Variants in SLC26A5 observed in about 807,000 individuals in gnomAD.
SLC26A5 encodes prestin.
A neutral mutation model predicts 81.0 loss-of-function variants in SLC26A5; 51 were observed. The observed-to-expected ratio is 0.63, with a 90% CI of 0.50 to 0.80. The LOEUF (loss-of-function observed/expected upper bound fraction) is 0.80, where lower values mean the gene tolerates loss of function less well. SLC26A5 is among the 30% of genes least tolerant of loss of function. The pLI is 0.00. For synonymous variants in SLC26A5, 325 were observed against 332.8 expected (o/e 0.98, Z 0.25); for missense variants, 771 against 905.8 (o/e 0.85, Z 1.91).
intron 16 of SLC26A5, among the ~76,000 whole-genome samples, chr7:103,378,815 C>A (rs1821554929): frequency 6.6e-6 from 1 of 152,118 alleles, no homozygotes; most frequent in Non-Finnish European, 1.5e-5. Context: ...AAGTTCAGAT[C>A]TGTCAGGTTG....
At chr7:103,369,486 C>G (rs577107327), downstream of SLC26A5, 117 of 152,332 alleles carry the variant, frequency 7.7e-4, 1 homozygote, top group African/African-American at 2.8e-3. Flanking sequence ...ACACTCTGTT[C>G]TAACGATACA....
At position 103,427,552 on chromosome 7, in the gene SLC26A5, T is replaced by C. The variant is rs181584612; in HGVS notation, c.-53-5985A>G. On this transcript the variant is annotated intron_variant, in intron 2 of 19. Transcript: ENST00000306312. ...AACGGCATCTCTGATACTTATAAAA[T>C]ATTGCCATGATAAATATTTATAAAT... Among the ~76,000 whole-genome samples, 172 of 152,280 alleles carry C rather than the reference T, an allele frequency of 1.1e-3. 1 individual carries two copies. Among genetic ancestry groups the C allele is most frequent in the Non-Finnish European group, 3.4e-4 (23 of 68,026 alleles).
intron 18 of SLC26A5, 141 bp downstream of exon 18, chr7:103,377,458 C>T (rs1446087460): frequency 1.3e-6 from 1 of 756,736 alleles, no homozygotes; most frequent in Non-Finnish European, 2.3e-6. Flanking sequence ...ATCTTTACTT[C>T]TATATATTTT....
At chr7:103,437,655 A>C (rs1826550887) in intron 2 of SLC26A5, among the ~76,000 whole-genome samples, 1 of 152,252 alleles carries the variant, frequency 6.6e-6, no homozygotes, top group Non-Finnish European at 1.5e-5. Flanking sequence ...TCTGGAGGAT[A>C]TGATGCTATG....
At chr7:103,376,522 ATATAT>A (rs545592151) in intron 19 of SLC26A5, among the ~76,000 whole-genome samples, 65 of 152,318 alleles carry the variant, frequency 4.3e-4, no homozygotes, top group African/African-American at 1.5e-3. Context: ...GTGGTCATGT[ATATAT>A]TATAATTACT....
In SLC26A5 at chr7:103,407,875, C is replaced by A. The variant is rs556341162; in HGVS notation, c.864G>T (p.Ala288=). 6.2e-7 allele frequency: 1 copy of A among 1,613,940 alleles called. No homozygotes were observed. The highest frequency in any genetic ancestry group is 1.3e-5 in the African/African-American group (1 of 74,898). Reference sequence around the variant, plus strand: ...CCGCAAAGAACTCTAAAGGAATAGGCGCCGGCAATTTCTCTTTAAATCTCT... The same window carrying A: ...CCGCAAAGAACTCTAAAGGAATAGGAGCCGGCAATTTCTCTTTAAATCTCT... ...FNERFKEKLP[A]PIPLEFFAVV... is the part of the protein sequence containing the mutation. The change falls in exon 8 of 20, where the codon GCG becomes GCT. Residue 288 remains alanine (A), a synonymous_variant. Transcript: ENST00000306312.
At chr7:103,377,441 T>C (rs1821435025) in intron 18 of SLC26A5, among the ~76,000 whole-genome samples, 158 bp downstream of exon 18, 2 of 152,312 alleles carry the variant, frequency 1.3e-5, no homozygotes, top group Non-Finnish European at 1.5e-5. Flanking sequence ...GGGTTCAATA[T>C]ACTAAAATCT....
At position 103,379,269 on chromosome 7, in the gene SLC26A5, A is replaced by C. The variant is rs755349314; in HGVS notation, c.1651T>G (p.Leu551Val). ...TTTCGTTTTAATGCATTGCTATACA[A>C]GTCGCTATTTGCATAGTAAATTGGT... ...NAPIYYANSDLYSNALKRKTG... is the reference protein window; with the variant it reads ...NAPIYYANSDVYSNALKRKTG... The change falls in exon 16 of 20, where the codon TTG (leucine) becomes GTG (valine). Residue 551 changes from leucine to valine, a missense_variant. Transcript: ENST00000306312. 6.2e-7 allele frequency: 1 copy of C among 1,611,642 alleles called. No homozygotes were observed. The highest frequency in any genetic ancestry group is 1.1e-5 in the South Asian group (1 of 91,010).
downstream of SLC26A5, chr7:103,369,455 T>A (rs564990878): frequency 2.0e-5 from 3 of 152,316 alleles, no homozygotes; most frequent in South Asian, 6.2e-4. Flanking sequence ...TAAAGACAAC[T>A]CGAATTAGAT....
chr7:103,404,454 G>A (rs1426344169), intron 8 of SLC26A5, among the ~76,000 whole-genome samples: 1 of 152,108 alleles, frequency 6.6e-6, no homozygotes, highest in East Asian at 1.9e-4. Context: ...GCTTAGTTTG[G>A]CTGGATGTGA....
At chr7:103,426,718 CAAT>C (rs1240625205) in intron 2 of SLC26A5, among the ~76,000 whole-genome samples, 4 of 152,084 alleles carry the variant, frequency 2.6e-5, no homozygotes, top group African/African-American at 4.8e-5. Context: ...TTTGCATCAA[CAAT>C]GATTAAATAA....
chr7:103,421,502 C>T lies in SLC26A5; in HGVS notation c.13G>A (p.Glu5Lys), dbSNP rs750489794. 2.5e-6 allele frequency: 4 copies of T among 1,613,906 alleles called. No individual in the cohort carries two copies. In the African/African-American group the frequency reaches 5.3e-5, roughly 22 times the overall value. Residue 5 changes from glutamate to lysine, a missense_variant, in exon 3 of 20, where the codon GAA (glutamate) becomes AAA (lysine). Physicochemically the swap from Glu to Lys is moderately conservative, Grantham distance 56. Coordinates refer to ENST00000306312, the MANE Select transcript of SLC26A5 (RefSeq NM_198999.3). MDHA[E>K]ENEILAATQR... ...GTTGCTGCAAGGATTTCATTTTCTT[C>T]AGCATGATCCATAGTACTCTGAAAT...
intron 4 of SLC26A5, 51 bp downstream of exon 4, chr7:103,420,687 A>T: frequency 6.2e-7 from 1 of 1,609,020 alleles, no homozygotes; most frequent in Non-Finnish European, 8.5e-7. Context: ...ACAGAAGGTC[A>T]AGCAATTGTT....
At chr7:103,354,436 T>C (rs1269978776) in intron 19 of SLC26A5, among the ~76,000 whole-genome samples, 1 of 151,312 alleles carries the variant, frequency 6.6e-6, no homozygotes, top group African/African-American at 2.4e-5. Context: ...TGGCGCGATC[T>C]TGGTTCACTG....
chr7:103,435,434 T>C (rs1045669520), intron 2 of SLC26A5, among the ~76,000 whole-genome samples: 1 of 152,220 alleles, frequency 6.6e-6, no homozygotes, highest in East Asian at 1.9e-4. Context: ...TCCACTGTCA[T>C]GTATATAAGT....
At chr7:103,359,399 A>G (rs1420786493) in intron 19 of SLC26A5, among the ~76,000 whole-genome samples, 1 of 152,120 alleles carries the variant, frequency 6.6e-6, no homozygotes, top group African/African-American at 2.4e-5. Flanking sequence ...TAGAATATCT[A>G]GAAAATTGTG....
chr7:103,402,796 C>T (rs1823716741), intron 8 of SLC26A5, among the ~76,000 whole-genome samples: 2 of 152,176 alleles, frequency 1.3e-5, no homozygotes, highest in African/African-American at 4.8e-5. Context: ...AATAGTCTAT[C>T]TATTTTGTTA....
chr7:103,433,118 G>A (rs1419590868), intron 2 of SLC26A5, among the ~76,000 whole-genome samples: 1 of 152,076 alleles, frequency 6.6e-6, no homozygotes, highest in Non-Finnish European at 1.5e-5. Flanking sequence ...AGAGCTCCAG[G>A]CTTATCCAGT....
intron 9 of SLC26A5, among the ~76,000 whole-genome samples, chr7:103,393,567 CTGTGTGTGTGTG>C (rs10549297): frequency 2.3e-4 from 34 of 147,776 alleles, no homozygotes; most frequent in Non-Finnish European, 4.2e-4. Context: ...CTACCTCTTC[CTGTGTGTGTGTG>C]TGTGTGTGTG....
Sources: allele counts gnomAD v4.1 joint callset (sites outside exome capture counted in the v4.1 genomes callset), GRCh38; gene constraint gnomAD v4.1.1; transcripts MANE v1.5; gene names NCBI Gene and HGNC (gene_info 2026-07-23, HGNC 2026-07-21).